The following MKX variants were observed in gnomAD, a reference collection of about 807,000 sequenced individuals.
MKX encodes homeobox protein Mohawk.
In MKX, 13 loss-of-function variants were observed where a neutral mutation model predicts 36.0. That is an observed-to-expected ratio of 0.36 (90% CI 0.24 to 0.57). The LOEUF (loss-of-function observed/expected upper bound fraction) is 0.57, where lower values mean the gene tolerates loss of function less well. MKX is among the 20% of genes least tolerant of loss of function. The pLI, the probability that MKX is intolerant of heterozygous loss-of-function variation, is 0.79. For missense variants in MKX, 458 were observed against 456.4 expected (o/e 1.00, Z -0.03); for synonymous variants, 176 against 178.3 (o/e 0.99, Z 0.10).
chr10:27,693,579 G>A (rs2132513419), intron 5 of MKX, among the ~76,000 whole-genome samples: 1 of 152,234 alleles, frequency 6.6e-6, no homozygotes, highest in East Asian at 1.9e-4. Flanking sequence ...AGAATGGCAT[G>A]TTCATATGAT....
intron 5 of MKX, among the ~76,000 whole-genome samples, chr10:27,685,651 C>T (rs1230985833): frequency 1.3e-5 from 2 of 152,050 alleles, no homozygotes; most frequent in Middle Eastern, 3.2e-3. Flanking sequence ...GGGGTTTCAC[C>T]GTGTTAGCCA....
chr10:27,721,463 A>G (rs1479326295), intron 5 of MKX, among the ~76,000 whole-genome samples: 5 of 152,228 alleles, frequency 3.3e-5, no homozygotes, highest in Non-Finnish European at 4.4e-5. Flanking sequence ...AAATGCGATA[A>G]TGTCCTTTGC....
chr10:27,727,599 T>G (rs535756109), intron 5 of MKX, among the ~76,000 whole-genome samples: 2 of 152,388 alleles, frequency 1.3e-5, no homozygotes, highest in African/African-American at 4.8e-5. Flanking sequence ...GCTTAAGTTT[T>G]TATAATTCTA....
chr10:27,698,756 C>A (rs142969146), intron 5 of MKX, among the ~76,000 whole-genome samples: 3 of 151,952 alleles, frequency 2.0e-5, no homozygotes, highest in Admixed American at 6.6e-5. Flanking sequence ...AACCGCGATG[C>A]GAAATTACTT....
intron 5 of MKX, among the ~76,000 whole-genome samples, chr10:27,707,274 A>G (rs1386927682): frequency 6.6e-6 from 1 of 152,140 alleles, no homozygotes; most frequent in Non-Finnish European, 1.5e-5. Context: ...AAAAATTAAA[A>G]ATGATATTTT....
chr10:27,694,716 A>C (rs1490685148), intron 5 of MKX, among the ~76,000 whole-genome samples: 1 of 137,932 alleles, frequency 7.2e-6, no homozygotes, highest in African/African-American at 2.6e-5. Flanking sequence ...AAAAAATTTA[A>C]TCTCCCAATT....
intron 5 of MKX, among the ~76,000 whole-genome samples, chr10:27,683,564 C>T (rs1456018126): frequency 1.3e-5 from 2 of 152,174 alleles, no homozygotes; most frequent in East Asian, 1.9e-4. Flanking sequence ...ATTAAAAATC[C>T]GGGGCCTGTG....
chr10:27,708,872 A>G (rs1034503033), intron 5 of MKX, among the ~76,000 whole-genome samples: 9 of 152,158 alleles, frequency 5.9e-5, no homozygotes, highest in Non-Finnish European at 1.2e-4. Flanking sequence ...ATAAACAATA[A>G]AAAGCAGCAA....
rs1174791353 is a variant in MKX, at chr10:27,711,445, TTCTTTCTTTCTTTCTTTC to T, written c.838+22993_838+23010del. On this transcript the variant is annotated intron_variant, in intron 5 of 6. Coordinates refer to ENST00000419761, the MANE Select transcript of MKX (RefSeq NM_173576.3). ...CTTTCTTTTCTCTTTCTTTCTTTCT[TTCTTTCTTTCTTTCTTTC>T]TTTCTTTCTTTCTTTCTTTCTCTCT... 4.0e-3 allele frequency among the ~76,000 whole-genome samples: 52 copies of T among 12,870 alleles called. 1 individual carries two copies. Among genetic ancestry groups the T allele is most frequent in the East Asian group, 0.025 (44 of 1,750 alleles). 8.4% of individuals were successfully genotyped at this position (12,870 alleles called of 152,430 possible).
Position 27,741,246 on chromosome 10 carries a change from G to A in MKX, c.348+99C>T, listed in dbSNP as rs771786796. 2.3e-5 allele frequency: 34 copies of A among 1,481,166 alleles called. No homozygotes were observed. The highest frequency in any genetic ancestry group is 5.8e-5 in the Admixed American group (3 of 51,594). The allele number at this position is 1,481,166 out of a possible 1,614,324, so 91.8% of individuals were successfully genotyped here. ...CACAGCTCGGCTCCATCCCTCTCCAGGTAGAAGCGCCACGTGGAGAGCCAC... is the reference window on the plus strand; with the variant it reads ...CACAGCTCGGCTCCATCCCTCTCCAAGTAGAAGCGCCACGTGGAGAGCCAC... On this transcript the variant is annotated intron_variant, in intron 3 of 6. Coordinates refer to ENST00000419761, the MANE Select transcript of MKX (RefSeq NM_173576.3). This position sits in a 1 kb window ranked among gnomAD's most constrained non-coding sequence, Gnocchi z 5.1.
In MKX at chr10:27,743,429, A is replaced by G. The variant is rs1834965984; in HGVS notation, c.-14T>C. 4 of 1,532,292 alleles carry G rather than the reference A, an allele frequency of 2.6e-6. No individual in the cohort carries two copies. Among genetic ancestry groups the G allele is most frequent in the African/African-American group, 2.8e-5 (2 of 71,102 alleles). 94.9% of individuals were successfully genotyped at this position (1,532,292 alleles called of 1,614,324 possible). On this transcript the variant is annotated 5_prime_UTR_variant, in exon 2 of 7. Coordinates refer to ENST00000419761, the MANE Select transcript of MKX (RefSeq NM_173576.3). ...GATGGTGTTCATGGTGTCGGTTGGT[A>G]GGGACGCGCGGCGCGGCCGCAGAGC...
chr10:27,683,050 G>T (rs950823703), intron 5 of MKX, among the ~76,000 whole-genome samples: 2 of 152,084 alleles, frequency 1.3e-5, no homozygotes, highest in Admixed American at 6.6e-5. Flanking sequence ...GTTCACAATA[G>T]GTTTTGCGCT....
At chr10:27,715,517 G>A (rs1285450055) in intron 5 of MKX, among the ~76,000 whole-genome samples, 1 of 152,162 alleles carries the variant, frequency 6.6e-6, no homozygotes, top group Non-Finnish European at 1.5e-5. Context: ...AGAAGCCAAG[G>A]ACTCTCCCTG....
At position 27,740,413 on chromosome 10, in the gene MKX, T is replaced by C. The variant is rs571806956; in HGVS notation, c.348+932A>G. ...GTAAAAAAGTTCAAGCCACCGTATT[T>C]ATTTTAAAAAATTGTGACATGACGG... On this transcript the variant is annotated intron_variant, in intron 3 of 6. Transcript: ENST00000419761. Among the ~76,000 whole-genome samples the C allele has an allele frequency of 1.4e-4, 22 of 152,350 alleles. 2 individuals are homozygous for C. The South Asian group carries it at 4.6e-3, about 32-fold the overall frequency.
At chr10:27,725,487 A>G (rs971269369) in intron 5 of MKX, among the ~76,000 whole-genome samples, 1 of 152,148 alleles carries the variant, frequency 6.6e-6, no homozygotes, top group African/African-American at 2.4e-5. Context: ...TATCATTTAT[A>G]ATGGAAAACA....
intron 4 of MKX, 59 bp downstream of exon 4, chr10:27,735,162 T>A: frequency 4.8e-6 from 7 of 1,452,618 alleles, no homozygotes; most frequent in Non-Finnish European, 6.4e-6. Flanking sequence ...AAATAGCAAT[T>A]ATGGTGAACT....
At chr10:27,677,654 C>A (rs1836178783) in intron 5 of MKX, among the ~76,000 whole-genome samples, 3 of 152,088 alleles carry the variant, frequency 2.0e-5, no homozygotes. Context: ...TTTTCACAAC[C>A]CTTCACGTAA....
At position 27,741,307 on chromosome 10, in the gene MKX, C is replaced by A. The variant is rs747013502; in HGVS notation, c.348+38G>T. On this transcript the variant is annotated intron_variant, in intron 3 of 6. Transcript: ENST00000419761. The surrounding 1 kb of genome is among the most constrained non-coding windows in gnomAD (Gnocchi z 5.1). ...AGCGTTCCCGCTCTTCAGCCCCTCG[C>A]GGGAAAACGGATCAGGGTGTTAATG... 5.6e-6 allele frequency: 9 copies of A among 1,606,532 alleles called. No homozygotes were observed. In the Admixed American group the frequency reaches 1.4e-4, roughly 25 times the overall value.
chr10:27,723,173 T>C (rs1380579001), intron 5 of MKX, among the ~76,000 whole-genome samples: 1 of 152,078 alleles, frequency 6.6e-6, no homozygotes, highest in Non-Finnish European at 1.5e-5. Flanking sequence ...ACATACAAAA[T>C]TTTCTGAAAG....
Sources: allele counts gnomAD v4.1 joint callset (sites outside exome capture counted in the v4.1 genomes callset), GRCh38; gene constraint gnomAD v4.1.1; non-coding constraint Gnocchi (gnomAD v3.1); transcripts MANE v1.5; gene names NCBI Gene and HGNC (gene_info 2026-07-23, HGNC 2026-07-21).